PDZRN4: variants seen among roughly 807,000 people sequenced by gnomAD.
PDZRN4 encodes the protein PDZ domain-containing RING finger protein 4.
A neutral mutation model predicts 99.0 loss-of-function variants in PDZRN4; 70 were observed. That is an observed-to-expected ratio of 0.71 (90% CI 0.58 to 0.86). The LOEUF (loss-of-function observed/expected upper bound fraction) is 0.86. PDZRN4 is among the 40% of genes least tolerant of loss of function. The pLI, the probability that PDZRN4 is intolerant of heterozygous loss-of-function variation, is 0.00. For missense variants in PDZRN4, 1,474 were observed against 1,331.2 expected, an observed-to-expected ratio of 1.11 and a Z score of -1.67; for synonymous variants, 551 against 501.6, an observed-to-expected ratio of 1.10 and a Z score of -1.32.
intron 3 of PDZRN4, among the ~76,000 whole-genome samples, chr12:41,233,425 A>G (rs1951043169): frequency 6.6e-6 from 1 of 152,184 alleles, no homozygotes; most frequent in Admixed American, 6.5e-5. Context: ...TGACCCAGCC[A>G]TCCCATTACT....
At chr12:41,502,685 C>T (rs1284169888) in intron 3 of PDZRN4, among the ~76,000 whole-genome samples, 2 of 152,032 alleles carry the variant, frequency 1.3e-5, no homozygotes, top group Non-Finnish European at 2.9e-5. Flanking sequence ...GTTTCTTCAC[C>T]TTTAGTCTCA....
At chr12:41,492,810 G>A (rs992398922) in intron 3 of PDZRN4, among the ~76,000 whole-genome samples, 3 of 152,056 alleles carry the variant, frequency 2.0e-5, no homozygotes, top group Admixed American at 6.6e-5. Context: ...ACTATGAGAT[G>A]ACATTTAAAA....
intron 3 of PDZRN4, among the ~76,000 whole-genome samples, chr12:41,340,138 C>A (rs1421287353): frequency 6.6e-6 from 1 of 152,064 alleles, no homozygotes; most frequent in Non-Finnish European, 1.5e-5. Flanking sequence ...GTGTTTACTG[C>A]AGTTCTGCTT....
At chr12:41,255,972 A>G (rs970527493) in intron 3 of PDZRN4, among the ~76,000 whole-genome samples, 2 of 152,174 alleles carry the variant, frequency 1.3e-5, no homozygotes, top group African/African-American at 4.8e-5. Flanking sequence ...ACCAAGCCCA[A>G]TTTCCAGCAC....
At chr12:41,565,120 G>C (rs1455644069) in intron 8 of PDZRN4, among the ~76,000 whole-genome samples, 2 of 152,134 alleles carry the variant, frequency 1.3e-5, no homozygotes, top group African/African-American at 2.4e-5. Context: ...GGTAGAACCA[G>C]TGGAAAATTT....
intron 3 of PDZRN4, among the ~76,000 whole-genome samples, chr12:41,489,531 G>A (rs1376985400): frequency 6.6e-6 from 1 of 152,116 alleles, no homozygotes; most frequent in East Asian, 1.9e-4. Context: ...TTACCTCTAT[G>A]TTTGGAATCT....
chr12:41,227,001 T>A (rs1441724809), intron 3 of PDZRN4, among the ~76,000 whole-genome samples: 1 of 152,186 alleles, frequency 6.6e-6, no homozygotes, highest in African/African-American at 2.4e-5. Flanking sequence ...TATCCCAAAT[T>A]GCAAATAGGC....
intron 3 of PDZRN4, among the ~76,000 whole-genome samples, chr12:41,380,869 G>A (rs1028698249): frequency 1.3e-4 from 19 of 151,996 alleles, no homozygotes; most frequent in Admixed American, 1.0e-3. Flanking sequence ...TTTCATTTCA[G>A]CTTGAAGTAA....
chr12:41,238,946 G>GCAAT (rs978316850), intron 3 of PDZRN4, among the ~76,000 whole-genome samples: 4 of 152,092 alleles, frequency 2.6e-5, no homozygotes, highest in Non-Finnish European at 5.9e-5. Context: ...ATTTGACCCA[G>GCAAT]CAATCCTATT....
chr12:41,529,691 C>G (rs185344690), intron 5 of PDZRN4, among the ~76,000 whole-genome samples: 1 of 152,332 alleles, frequency 6.6e-6, no homozygotes, highest in Admixed American at 6.5e-5. Flanking sequence ...ATTTTCCTGA[C>G]TCTACTCTTC....
At chr12:41,432,813 A>C (rs1204319464) in intron 3 of PDZRN4, among the ~76,000 whole-genome samples, 1 of 152,246 alleles carries the variant, frequency 6.6e-6, no homozygotes, top group Admixed American at 6.5e-5. Flanking sequence ...GTTTCCAAAG[A>C]ATAAGCAGAA....
At chr12:41,307,649 A>C (rs1158683303) in intron 3 of PDZRN4, among the ~76,000 whole-genome samples, 4 of 151,170 alleles carry the variant, frequency 2.6e-5, no homozygotes, top group Non-Finnish European at 5.9e-5. Flanking sequence ...TTTGTATTAT[A>C]CTACAGCAGC....
At chr12:41,307,648 T>C (rs538014995) in intron 3 of PDZRN4, among the ~76,000 whole-genome samples, 1 of 151,868 alleles carries the variant, frequency 6.6e-6, no homozygotes, top group East Asian at 1.9e-4. Context: ...ATTTGTATTA[T>C]ACTACAGCAG....
intron 3 of PDZRN4, among the ~76,000 whole-genome samples, chr12:41,228,432 C>T: frequency 6.6e-6 from 1 of 152,010 alleles, no homozygotes; most frequent in East Asian, 1.9e-4. Context: ...AAGTTCACAA[C>T]ACCGTTAGTA....
At chr12:41,209,720 C>A (rs1162317217) in intron 3 of PDZRN4, among the ~76,000 whole-genome samples, 1 of 149,688 alleles carries the variant, frequency 6.7e-6, no homozygotes, top group African/African-American at 2.5e-5. Flanking sequence ...TGTATATGTG[C>A]CACATTTTCT....
At chr12:41,488,566 C>G (rs1592081242) in intron 3 of PDZRN4, among the ~76,000 whole-genome samples, 1 of 152,092 alleles carries the variant, frequency 6.6e-6, no homozygotes, top group Admixed American at 6.6e-5. Context: ...TTAATGGCAG[C>G]TCAAGAAACC....
intron 3 of PDZRN4, among the ~76,000 whole-genome samples, chr12:41,237,411 T>C (rs1321440162): frequency 6.6e-6 from 1 of 152,162 alleles, no homozygotes; most frequent in Non-Finnish European, 1.5e-5. Context: ...GCTATAGATG[T>C]TTAAATAAAT....
chr12:41,515,385 T>A (rs769808260), intron 5 of PDZRN4, among the ~76,000 whole-genome samples: 3 of 151,992 alleles, frequency 2.0e-5, no homozygotes, highest in Non-Finnish European at 4.4e-5. Context: ...ATTAATGAAA[T>A]AGCTAAAATA....
chr12:41,224,222 A>G (rs1950977802), intron 3 of PDZRN4, among the ~76,000 whole-genome samples: 1 of 152,060 alleles, frequency 6.6e-6, no homozygotes. Flanking sequence ...TCCTCATGGA[A>G]GCACTTGAGT....
Sources: gnomAD v4.1 joint callset for allele counts (sites outside exome capture counted in the v4.1 genomes callset) on GRCh38, gnomAD v4.1.1 for gene constraint, MANE v1.5 for transcripts, NCBI Gene and HGNC (gene_info 2026-07-23, HGNC 2026-07-21) for gene names.